Variants in RAB7A observed in about 807,000 individuals in gnomAD.
The protein encoded by RAB7A is ras-related protein Rab-7a.
Under a neutral mutation model 24.5 loss-of-function variants are expected in RAB7A, and 2 were observed. The ratio of observed to expected loss-of-function variants is 0.08; its 90% confidence interval spans 0.03 to 0.26. The LOEUF (loss-of-function observed/expected upper bound fraction) is 0.26. Ranked by LOEUF, RAB7A falls within the 10% of genes least tolerant of loss-of-function variation. The pLI, the probability that RAB7A is intolerant of heterozygous loss-of-function variation, is 1.00. For missense variants in RAB7A, 118 were observed against 255.7 expected (o/e 0.46, Z 3.67); for synonymous variants, 100 against 95.9 (o/e 1.04, Z -0.25).
chr3:128,799,597 TC>T (rs1933654792), intron 3 of RAB7A, among the ~76,000 whole-genome samples: 1 of 152,174 alleles, frequency 6.6e-6, no homozygotes, highest in South Asian at 2.1e-4. Flanking sequence ...GACTCACACT[TC>T]TAGGACAGAG....
intron 1 of RAB7A, among the ~76,000 whole-genome samples, chr3:128,733,630 T>G (rs997425965): frequency 6.6e-6 from 1 of 152,226 alleles, no homozygotes; most frequent in Non-Finnish European, 1.5e-5. Context: ...CTTCCCTGTA[T>G]CTTCACAGGA....
chr3:128,738,550 C>A (rs1295993829), intron 1 of RAB7A, among the ~76,000 whole-genome samples: 3 of 152,184 alleles, frequency 2.0e-5, no homozygotes, highest in African/African-American at 7.2e-5. Flanking sequence ...GGCATCCTGC[C>A]TGACTCAGGT....
At chr3:128,728,371 G>T (rs2070400734) in intron 1 of RAB7A, among the ~76,000 whole-genome samples, 1 of 152,214 alleles carries the variant, frequency 6.6e-6, no homozygotes, top group Non-Finnish European at 1.5e-5. Flanking sequence ...GAGTGTAGAA[G>T]ATAATATTAC....
At position 128,806,527 on chromosome 3, in the gene RAB7A, C is replaced by A. The variant is rs768572013; in HGVS notation, c.336C>A (p.Pro112=). 6.2e-7 allele frequency: 1 copy of A among 1,614,126 alleles called. No individual in the cohort carries two copies. The highest frequency in any genetic ancestry group is 8.5e-7 in the Non-Finnish European group (1 of 1,180,012). The stretch of plus-strand genomic sequence containing the variant: ...ATGAGTTTCTCATCCAGGCCAGTCC[C>A]CGAGATCCTGAAAACTTCCCATTTG... The part of the protein sequence containing the change: ...WRDEFLIQAS[P]RDPENFPFVV... The change falls in exon 4 of 6, where the codon CCC becomes CCA. Residue 112 remains proline (P), a synonymous_variant. Transcript: ENST00000265062.
chr3:128,729,608 C>G (rs945157278), intron 1 of RAB7A, among the ~76,000 whole-genome samples: 5 of 151,070 alleles, frequency 3.3e-5, no homozygotes, highest in Admixed American at 2.0e-4. Context: ...GGGATCTTCA[C>G]TAATAACGTT....
chr3:128,732,394 T>TA (rs565669531), intron 1 of RAB7A, among the ~76,000 whole-genome samples: 51 of 143,864 alleles, frequency 3.5e-4, no homozygotes, highest in Non-Finnish European at 4.4e-4. Context: ...ACTATTCAGT[T>TA]AAAAAAAAAA....
chr3:128,809,936 C>CTTGTTTTTTTTTTTTTTTTTTTTTT (rs1933887093), intron 5 of RAB7A, among the ~76,000 whole-genome samples: 1 of 52,216 alleles, frequency 1.9e-5, no homozygotes, highest in Non-Finnish European at 3.4e-5. Context: ...TTGCCACAGT[C>CTTGTTTTTTTTTTTTTTTTTTTTTT]TTTTTTTTTT....
chr3:128,799,383 G>A (rs977085546), intron 3 of RAB7A, among the ~76,000 whole-genome samples: 1 of 152,112 alleles, frequency 6.6e-6, no homozygotes, highest in African/African-American at 2.4e-5. Context: ...CAGATCTTTG[G>A]AAACTTCTAT....
At chr3:128,734,088 A>T (rs1376612578) in intron 1 of RAB7A, among the ~76,000 whole-genome samples, 2 of 152,128 alleles carry the variant, frequency 1.3e-5, no homozygotes, top group Admixed American at 1.3e-4. Context: ...AAAACGTGTC[A>T]GTTTGAGACT....
chr3:128,751,785 A>T (rs926695479), intron 1 of RAB7A, among the ~76,000 whole-genome samples: 3 of 152,174 alleles, frequency 2.0e-5, no homozygotes, highest in Non-Finnish European at 4.4e-5. Context: ...TGGTTTGACT[A>T]TGTCCCCATC....
At chr3:128,761,023 A>T (rs1438337682) in intron 1 of RAB7A, among the ~76,000 whole-genome samples, 1 of 152,226 alleles carries the variant, frequency 6.6e-6, no homozygotes, top group Admixed American at 6.5e-5. Flanking sequence ...TTCTAAAGCT[A>T]AGTAGAAACA....
At chr3:128,780,615 G>A (rs531484769) in intron 1 of RAB7A, among the ~76,000 whole-genome samples, 2 of 152,328 alleles carry the variant, frequency 1.3e-5, no homozygotes, top group Non-Finnish European at 2.9e-5. Context: ...GTTTGAACTG[G>A]ATTTGGTGTG....
In RAB7A at chr3:128,788,860, C is replaced by A. The variant is rs112636619; in HGVS notation, c.-8-6500C>A. Among the ~76,000 whole-genome samples, 3 of 152,178 alleles carry A rather than the reference C, an allele frequency of 2.0e-5. No individual in the cohort carries two copies. The South Asian group carries it at 6.2e-4, about 31-fold the overall frequency. ...ATTTTTCTTGATCTTTTTACCTGCT[C>A]ATGTTTCCTTATTTTGTCTGCTTAT... On this transcript the variant is annotated intron_variant, in intron 1 of 5. Transcript: ENST00000265062.
At chr3:128,745,855 G>C (rs1303347262) in intron 1 of RAB7A, among the ~76,000 whole-genome samples, 1 of 152,204 alleles carries the variant, frequency 6.6e-6, no homozygotes, top group Non-Finnish European at 1.5e-5. Context: ...CAGAGACTTT[G>C]TTGGCAGTTT....
intron 1 of RAB7A, among the ~76,000 whole-genome samples, chr3:128,767,584 T>G (rs1576285407): frequency 6.6e-6 from 1 of 152,104 alleles, no homozygotes; most frequent in Admixed American, 6.6e-5. Flanking sequence ...ATGGTTGGGG[T>G]AAAGGGACAT....
At chr3:128,779,407 CAAA>C (rs756122746) in intron 1 of RAB7A, among the ~76,000 whole-genome samples, 1 of 121,322 alleles carries the variant, frequency 8.2e-6, no homozygotes. Flanking sequence ...GACTGTGTCT[CAAA>C]AAAAAAAAAA....
intron 1 of RAB7A, among the ~76,000 whole-genome samples, chr3:128,776,452 C>T (rs1933088032): frequency 6.6e-6 from 1 of 152,020 alleles, no homozygotes; most frequent in Non-Finnish European, 1.5e-5. Context: ...CACCCAGCTA[C>T]TGTATTAATT....
intron 2 of RAB7A, among the ~76,000 whole-genome samples, chr3:128,797,335 T>C (rs1933598930): frequency 6.6e-6 from 1 of 152,258 alleles, no homozygotes; most frequent in Non-Finnish European, 1.5e-5. Context: ...CTTAACCTTA[T>C]CACACAAAAA....
intron 3 of RAB7A, among the ~76,000 whole-genome samples, chr3:128,801,884 CTT>C (rs1311140167): frequency 6.6e-6 from 1 of 151,950 alleles, no homozygotes; most frequent in Non-Finnish European, 1.5e-5. Context: ...AAAAAAAAGA[CTT>C]AAAAATAGAC....
Sources: allele counts gnomAD v4.1 joint callset (sites outside exome capture counted in the v4.1 genomes callset), GRCh38; gene constraint gnomAD v4.1.1; transcripts MANE v1.5; gene names NCBI Gene and HGNC (gene_info 2026-07-23, HGNC 2026-07-21).